The following SLC38A10 variants were observed in gnomAD, a reference collection of about 807,000 sequenced individuals.
The protein encoded by SLC38A10 is Sodium-coupled neutral amino acid transporter 10.
A neutral mutation model predicts 81.0 loss-of-function variants in SLC38A10; 53 were observed. That is an observed-to-expected ratio of 0.65 (90% CI 0.53 to 0.82). The LOEUF is 0.82. Ranked by LOEUF, SLC38A10 falls within the 40% of genes least tolerant of loss-of-function variation. The pLI, the probability that SLC38A10 is intolerant of heterozygous loss-of-function variation, is 0.00. For missense variants in SLC38A10, 1,471 were observed against 1,545.0 expected, an observed-to-expected ratio of 0.95 and a Z score of 0.80; for synonymous variants, 665 against 655.3, an observed-to-expected ratio of 1.01 and a Z score of -0.23.
At chr17:81,293,346 G>A (rs192230415) in intron 1 of SLC38A10, among the ~76,000 whole-genome samples, 4 of 152,234 alleles carry the variant, frequency 2.6e-5, no homozygotes, top group South Asian at 2.1e-4. Context: ...GATGCTGCCC[G>A]GGGGGCTCTG....
chr17:81,272,038 T>C, intron 9 of SLC38A10, among the ~76,000 whole-genome samples: 1 of 148,286 alleles, frequency 6.7e-6, no homozygotes, highest in Non-Finnish European at 1.5e-5. Flanking sequence ...GCTGCCAGAT[T>C]TTTTTTTTTT....
intron 6 of SLC38A10, among the ~76,000 whole-genome samples, chr17:81,279,521 G>A (rs1473317402): frequency 1.3e-5 from 2 of 152,222 alleles, no homozygotes; most frequent in African/African-American, 2.4e-5. Context: ...GCACAAGGAG[G>A]GATGTCCCTG....
chr17:81,256,641 C>A (rs756281953), intron 11 of SLC38A10, among the ~76,000 whole-genome samples: 1 of 152,258 alleles, frequency 6.6e-6, no homozygotes, highest in Non-Finnish European at 1.5e-5. Context: ...GCGCCACACT[C>A]GCAAGAGGTG....
At chr17:81,293,042 A>G (rs1453672091) in intron 1 of SLC38A10, among the ~76,000 whole-genome samples, 1 of 152,278 alleles carries the variant, frequency 6.6e-6, no homozygotes, top group Non-Finnish European at 1.5e-5. Context: ...ACATGCCTGT[A>G]ATCCCAGCTA....
chr17:81,264,148 G>A (rs1044573609), intron 10 of SLC38A10: 11 of 152,392 alleles, frequency 7.2e-5, no homozygotes, highest in Non-Finnish European at 1.3e-4. Context: ...GAATAAGGGC[G>A]TAAGTGGAGT....
chr17:81,277,069 C>T lies in SLC38A10; in HGVS notation c.691G>A (p.Ala231Thr), dbSNP rs375118023. The T allele has an allele frequency of 9.9e-6, 16 of 1,614,050 alleles. No homozygotes were observed. The highest frequency in any genetic ancestry group is 1.2e-5 in the Non-Finnish European group (14 of 1,179,940). ...PSVKTMSSIF[A>T]SSLNVVTTFY... ...GTGGTGACCACATTAAGGGAGGAAG[C>T]AAATATGGAGCTCATGGTTTTCACT... Residue 231 changes from alanine to threonine, a missense_variant, in exon 7 of 16, where the codon GCT becomes ACT. This residue lies in a region of SLC38A10 where 720 missense variants were observed against 827.7 expected (regional missense o/e 0.87). Coordinates refer to ENST00000374759, the MANE Select transcript of SLC38A10 (RefSeq NM_001037984.3). This position sits in a 1 kb window ranked among gnomAD's most constrained non-coding sequence, Gnocchi z 4.5.
chr17:81,266,292 C>T (rs1412860333), intron 10 of SLC38A10, among the ~76,000 whole-genome samples: 1 of 152,226 alleles, frequency 6.6e-6, no homozygotes, highest in Non-Finnish European at 1.5e-5. Context: ...TATGAAATCT[C>T]TAACTTCCCT....
At chr17:81,259,948 A>G (rs2063006323) in intron 11 of SLC38A10, among the ~76,000 whole-genome samples, 1 of 152,082 alleles carries the variant, frequency 6.6e-6, no homozygotes, top group Non-Finnish European at 1.5e-5. Context: ...CGTACACCCC[A>G]CCTAGCCCAC....
Position 81,246,654 on chromosome 17 carries a change from G to T in SLC38A10, c.2262C>A (p.Pro754=). 2 of 1,508,384 alleles carry T rather than the reference G, an allele frequency of 1.3e-6. No individual in the cohort carries two copies. The highest frequency in any genetic ancestry group is 1.8e-6 in the Non-Finnish European group (2 of 1,130,500). 93.4% of individuals were successfully genotyped at this position (1,508,384 alleles called of 1,614,324 possible). A position where few individuals can be genotyped will look rare whatever the true frequency, so the allele number is the denominator to read the frequency against. ...CCTGGCCTCTGGGCACCGCTGCCCC[G>T]GGCTCTTGATGCACCTCCACTGCAA... is the stretch of plus-strand genomic sequence containing the variant. ...KPRQVEVHQE[P]GAAVPRGQEA... The change falls in exon 16 of 16, where the codon CCC becomes CCA. Residue 754 remains proline, a synonymous_variant. Coordinates refer to ENST00000374759, the MANE Select transcript of SLC38A10 (RefSeq NM_001037984.3).
At chr17:81,269,364 T>C (rs1449374253) in intron 10 of SLC38A10, among the ~76,000 whole-genome samples, 1 of 151,820 alleles carries the variant, frequency 6.6e-6, no homozygotes, top group Non-Finnish European at 1.5e-5. Flanking sequence ...AGTACAAAAA[T>C]TAGCTGGGTG....
At position 81,295,004 on chromosome 17, in the gene SLC38A10, C is replaced by G. The variant is rs899166293; in HGVS notation, c.-83G>C. On this transcript the variant is annotated 5_prime_UTR_variant, in exon 1 of 16. Coordinates refer to ENST00000374759, the MANE Select transcript of SLC38A10 (RefSeq NM_001037984.3). ...GCTTTGGAAGCCCAGCCCGAGGCCA[C>G]GGTCACAGGTCCCAACGTCCGGGAC... 3.4e-6 allele frequency: 5 copies of G among 1,460,452 alleles called. No individual in the cohort carries two copies. In the African/African-American group the frequency reaches 7.4e-5, roughly 22 times the overall value. 90.5% of individuals were successfully genotyped at this position (1,460,452 alleles called of 1,614,324 possible). A position where few individuals can be genotyped will look rare whatever the true frequency, so the allele number is the denominator to read the frequency against.
intron 10 of SLC38A10, among the ~76,000 whole-genome samples, chr17:81,268,390 C>CT (rs1567936501): frequency 6.6e-6 from 1 of 152,028 alleles, no homozygotes; most frequent in East Asian, 1.9e-4. Context: ...ATACTTTTTT[C>CT]TTTTTCTTCT....
rs767217469 is a variant in SLC38A10 at position 81,280,709 on chromosome 17, C to T, written c.526G>A (p.Gly176Ser). 8.1e-6 allele frequency: 13 copies of T among 1,613,450 alleles called. No individual in the cohort carries two copies. Among genetic ancestry groups the T allele is most frequent in the South Asian group, 2.2e-5 (2 of 91,030 alleles). The change falls in exon 6 of 16, where the codon GGC (glycine) becomes AGC (serine). Residue 176 changes from glycine to serine, a missense_variant. This residue lies in a region of SLC38A10 where 720 missense variants were observed against 827.7 expected (regional missense o/e 0.87). Transcript: ENST00000374759. ...CGCAGCCACTGCCCACTGAAGAGGC[C>T]GTGCTTGAGAGAGGAGAGCACGATC... is the stretch of plus-strand genomic sequence containing the variant. ...FVIVLSSLKH[G>S]LFSGQWLRRV...
In SLC38A10 at chr17:81,288,909, T is replaced by C. The variant is rs1162655517; in HGVS notation, c.217+782A>G. On this transcript the variant is annotated intron_variant, in intron 2 of 15. Coordinates refer to ENST00000374759, the MANE Select transcript of SLC38A10 (RefSeq NM_001037984.3). The surrounding 1 kb of genome is among the most constrained non-coding windows in gnomAD (Gnocchi z 5.4). ...TGCACCAGCACGGTGAGGACGGCTGTCTTGGTCTGAGTTTAGAAGAGGAAG... is the reference window on the plus strand; with the variant it reads ...TGCACCAGCACGGTGAGGACGGCTGCCTTGGTCTGAGTTTAGAAGAGGAAG... 1.3e-5 allele frequency: 2 copies of C among 152,380 alleles called. No homozygotes were observed. The highest frequency in any genetic ancestry group is 2.4e-5 in the African/African-American group (1 of 41,456). 9.4% of individuals were successfully genotyped at this position (152,380 alleles called of 1,614,324 possible).
intron 10 of SLC38A10, among the ~76,000 whole-genome samples, chr17:81,269,905 A>C (rs1241185431): frequency 6.6e-6 from 1 of 152,170 alleles, no homozygotes; most frequent in African/African-American, 2.4e-5. Flanking sequence ...CGGAGGTTGC[A>C]GTAAGCCGAG....
At chr17:81,250,261 T>A (rs553983711) in intron 14 of SLC38A10, among the ~76,000 whole-genome samples, 1 of 152,332 alleles carries the variant, frequency 6.6e-6, no homozygotes, top group Admixed American at 6.5e-5. Flanking sequence ...AAACCCCACA[T>A]GCCCGAACTC....
At chr17:81,256,032 T>G (rs1052879208) in intron 11 of SLC38A10, among the ~76,000 whole-genome samples, 2 of 152,196 alleles carry the variant, frequency 1.3e-5, no homozygotes, top group East Asian at 3.9e-4. Flanking sequence ...TGACCATCAT[T>G]GGCACGTGGT....
chr17:81,247,064 G>T lies in SLC38A10; in HGVS notation c.2066-3C>A. 1 of 1,578,772 alleles carries T rather than the reference G, an allele frequency of 6.3e-7. No individual in the cohort carries two copies. ...CAGCATCTCCGCCCTGCCAGCTTCT[G>T]GGTTTGGAAAGCACACAGTCAGAGT... On this transcript the variant is annotated splice_polypyrimidine_tract_variant and splice_region_variant and intron_variant, in intron 14 of 15. Transcript: ENST00000374759.
rs1266587143 is a variant in SLC38A10, at chr17:81,281,212, AGGAGCACT to A, written c.502-487_502-480del. On this transcript the variant is annotated intron_variant, in intron 5 of 15. Transcript: ENST00000374759. This position sits in a 1 kb window ranked among gnomAD's most constrained non-coding sequence, Gnocchi z 5.3. The stretch of plus-strand genomic sequence containing the variant: ...GGGCTGGCCCTCACTCGGAGAGCTG[AGGAGCACT>A]GGAGACCCTGGCTTCAATGACCACC... Among the ~76,000 whole-genome samples, 2 of 152,140 alleles carry A rather than the reference AGGAGCACT, an allele frequency of 1.3e-5. No individual in the cohort carries two copies.
Sources: gnomAD v4.1 joint callset for allele counts (sites outside exome capture counted in the v4.1 genomes callset) on GRCh38, gnomAD v4.1.1 for gene constraint, gnomAD v4.1.1 regional missense constraint, Gnocchi (gnomAD v3.1) non-coding constraint, MANE v1.5 for transcripts, NCBI Gene and HGNC (gene_info 2026-07-23, HGNC 2026-07-21) for gene names.